The following TRABD2B variants were observed in gnomAD, a reference collection of about 807,000 sequenced individuals.
The protein encoded by TRABD2B is metalloprotease TIKI2.
In TRABD2B, 14 loss-of-function variants were observed where a neutral mutation model predicts 40.1. The observed-to-expected ratio is 0.35, with a 90% CI of 0.23 to 0.55. TRABD2B has a LOEUF of 0.55. Ranked by LOEUF, TRABD2B falls within the 20% of genes least tolerant of loss-of-function variation. The pLI is 0.90. For missense variants in TRABD2B, 541 were observed against 648.6 expected, an observed-to-expected ratio of 0.83 and a Z score of 1.80; for synonymous variants, 263 against 277.0, an observed-to-expected ratio of 0.95 and a Z score of 0.50.
chr1:47,989,212 G>C (rs912747321), intron 2 of TRABD2B, among the ~76,000 whole-genome samples: 3 of 152,160 alleles, frequency 2.0e-5, no homozygotes, highest in African/African-American at 7.2e-5. Context: ...CCACTGTAAG[G>C]TATTTTGCTG....
chr1:47,775,330 G>A lies in TRABD2B; in HGVS notation c.1189C>T (p.Pro397Ser). The change falls in exon 6 of 7, where the codon CCA becomes TCA. Residue 397 changes from proline (P) to serine (S), a missense_variant. Pro to Ser is a moderately conservative substitution (Grantham distance 74). Around this residue, in one of 2 missense-constraint regions of TRABD2B, gnomAD observed 172 missense variants for 155.8 expected, o/e 1.10. Coordinates refer to ENST00000606738, the MANE Select transcript of TRABD2B (RefSeq NM_001194986.2). ...PEAPSVTPTA[P>S]PEDEDPALSP... Reference sequence around the variant, plus strand: ...AGGGCTGGATCCTCATCCTCTGGTGGGGCGGTGGGGGTCACAGAGGGTGCT... The same window carrying A: ...AGGGCTGGATCCTCATCCTCTGGTGAGGCGGTGGGGGTCACAGAGGGTGCT... 8.0e-7 allele frequency: 1 copy of A among 1,243,174 alleles called. No individual in the cohort carries two copies. The highest frequency in any genetic ancestry group is 1.0e-6 in the Non-Finnish European group (1 of 991,844). 77.0% of individuals were successfully genotyped at this position (1,243,174 alleles called of 1,614,324 possible).
intron 2 of TRABD2B, among the ~76,000 whole-genome samples, chr1:47,909,460 A>G (rs1644722020): frequency 7.1e-6 from 1 of 139,896 alleles, no homozygotes; most frequent in Admixed American, 7.4e-5. Flanking sequence ...AAGAAGGAGA[A>G]GGAGAAGGGG....
intron 4 of TRABD2B, among the ~76,000 whole-genome samples, chr1:47,784,486 G>A (rs536356036): frequency 3.3e-5 from 5 of 152,154 alleles, no homozygotes; most frequent in Non-Finnish European, 7.4e-5. Flanking sequence ...GGCTCCCCCC[G>A]ATCAGCACAC....
At chr1:47,770,982 G>A (rs1283632028) in intron 6 of TRABD2B, among the ~76,000 whole-genome samples, 1 of 152,102 alleles carries the variant, frequency 6.6e-6, no homozygotes, top group Non-Finnish European at 1.5e-5. Context: ...GTAAAAGGGG[G>A]GACTGGATTT....
chr1:47,869,304 A>G (rs1168780962), intron 2 of TRABD2B, among the ~76,000 whole-genome samples: 1 of 152,254 alleles, frequency 6.6e-6, no homozygotes, highest in Non-Finnish European at 1.5e-5. Flanking sequence ...AGAAAAGGAA[A>G]AGTCTCAAGA....
chr1:47,816,255 C>T (rs113376270), intron 2 of TRABD2B, among the ~76,000 whole-genome samples: 2 of 152,280 alleles, frequency 1.3e-5, no homozygotes, highest in African/African-American at 4.8e-5. Context: ...GAGGTAGGGC[C>T]CACTGGTCTT....
chr1:47,883,887 T>C (rs1354497448), intron 2 of TRABD2B, among the ~76,000 whole-genome samples: 2 of 152,212 alleles, frequency 1.3e-5, no homozygotes, highest in Non-Finnish European at 2.9e-5. Context: ...CCATGCCTAC[T>C]CAACTTTACC....
intron 6 of TRABD2B, among the ~76,000 whole-genome samples, chr1:47,772,363 G>A (rs1644388003): frequency 6.6e-6 from 1 of 151,830 alleles, no homozygotes; most frequent in Admixed American, 6.6e-5. Context: ...GGTGGGACGG[G>A]GCACCTCGGG....
intron 2 of TRABD2B, among the ~76,000 whole-genome samples, chr1:47,840,292 C>T (rs957436590): frequency 1.3e-5 from 2 of 152,190 alleles, no homozygotes; most frequent in Middle Eastern, 3.2e-3. Flanking sequence ...AAGCAGTCTT[C>T]GACAAGGCCC....
intron 2 of TRABD2B, among the ~76,000 whole-genome samples, chr1:47,897,141 T>A (rs766492577): frequency 6.6e-6 from 1 of 152,130 alleles, no homozygotes; most frequent in African/African-American, 2.4e-5. Context: ...AGGGGACAGG[T>A]GCACTAGGCT....
At chr1:47,924,778 A>C (rs1022948925) in intron 2 of TRABD2B, among the ~76,000 whole-genome samples, 15 of 152,180 alleles carry the variant, frequency 9.9e-5, no homozygotes, top group Non-Finnish European at 2.9e-5. Context: ...AGTGAAAGAA[A>C]CTTCCTCTGG....
At chr1:47,933,958 A>C (rs1645072704) in intron 2 of TRABD2B, among the ~76,000 whole-genome samples, 3 of 152,318 alleles carry the variant, frequency 2.0e-5, no homozygotes, top group Middle Eastern at 6.8e-3. Flanking sequence ...TTTTTAATTT[A>C]ATTTAGTTTA....
chr1:47,938,403 T>G (rs1457638624), intron 2 of TRABD2B, among the ~76,000 whole-genome samples: 1 of 152,194 alleles, frequency 6.6e-6, no homozygotes, highest in East Asian at 1.9e-4. Context: ...TCCATCTGTT[T>G]TTCTGAAAAC....
intron 2 of TRABD2B, among the ~76,000 whole-genome samples, chr1:47,974,421 C>T (rs1046065196): frequency 1.3e-5 from 2 of 152,164 alleles, no homozygotes; most frequent in African/African-American, 4.8e-5. Flanking sequence ...TCTCCCCAAA[C>T]CCCAAGGACA....
intron 4 of TRABD2B, among the ~76,000 whole-genome samples, chr1:47,785,982 G>A (rs1446458041): frequency 6.6e-6 from 1 of 152,210 alleles, no homozygotes; most frequent in Non-Finnish European, 1.5e-5. Flanking sequence ...GACCCCAGTG[G>A]CTCTACTGTC....
At chr1:47,988,512 TG>T in intron 2 of TRABD2B, among the ~76,000 whole-genome samples, 1 of 152,194 alleles carries the variant, frequency 6.6e-6, no homozygotes, top group East Asian at 1.9e-4. Flanking sequence ...TGAGGCTGGG[TG>T]GGTGTCCAGC....
At position 47,976,713 on chromosome 1, in the gene TRABD2B, G is replaced by T. The variant is rs186089123; in HGVS notation, c.666+17321C>A. On this transcript the variant is annotated intron_variant, in intron 2 of 6. Transcript: ENST00000606738. ...ATCTTTGAGCACCTGAGGTAGATAGGGATGGAATTCTTTTCTTTTGCATAC... is the reference window on the plus strand; with the variant it reads ...ATCTTTGAGCACCTGAGGTAGATAGTGATGGAATTCTTTTCTTTTGCATAC... Among the ~76,000 whole-genome samples the T allele has an allele frequency of 3.3e-3, 501 of 152,272 alleles. 11 individuals carry two copies. In the East Asian group the frequency reaches 0.062, roughly 19 times the overall value.
rs1460594383 is a variant in TRABD2B at position 47,994,450 on chromosome 1, A to G, written c.250T>C (p.Phe84Leu). ...AAFQASTRVYFELDLTDPYTI... is the reference protein window; with the variant it reads ...AAFQASTRVYLELDLTDPYTI... ...TAGGGGTCTGTAAGGTCCAGCTCAA[A>G]GTAGACACGGGTGCTAGCCTGGAAG... is the stretch of plus-strand genomic sequence containing the variant. Residue 84 changes from phenylalanine to leucine, a missense_variant, in exon 2 of 7, where the codon TTT (phenylalanine) becomes CTT (leucine). Physicochemically the swap from Phe to Leu is conservative, Grantham distance 22. Transcript: ENST00000606738. This position sits in a 1 kb window ranked among gnomAD's most constrained non-coding sequence, Gnocchi z 6.7. 1.3e-6 allele frequency: 2 copies of G among 1,536,190 alleles called. No individual in the cohort carries two copies. The highest frequency in any genetic ancestry group is 1.4e-5 in the African/African-American group (1 of 73,184).
At chr1:47,962,884 C>T (rs1645542158) in intron 2 of TRABD2B, among the ~76,000 whole-genome samples, 4 of 152,214 alleles carry the variant, frequency 2.6e-5, no homozygotes, top group South Asian at 2.1e-4. Flanking sequence ...GAGCACAAGG[C>T]TGCCTCCATT....
Sources: gnomAD v4.1 joint callset for allele counts (sites outside exome capture counted in the v4.1 genomes callset) on GRCh38, gnomAD v4.1.1 for gene constraint, gnomAD v4.1.1 regional missense constraint, Gnocchi (gnomAD v3.1) non-coding constraint, MANE v1.5 for transcripts, NCBI Gene and HGNC (gene_info 2026-07-23, HGNC 2026-07-21) for gene names.